INPP4B: variants seen among roughly 807,000 people sequenced by gnomAD.
The protein encoded by INPP4B is inositol polyphosphate 4-phosphatase type II.
Under a neutral mutation model 122.5 loss-of-function variants are expected in INPP4B, and 55 were observed. The observed-to-expected ratio is 0.45, with a 90% CI of 0.36 to 0.56. The LOEUF is 0.56. Among genes scored for constraint, INPP4B ranks in the 20% least tolerant of loss-of-function variants. The pLI is 0.00. For missense variants in INPP4B, 1,000 were observed against 1,097.7 expected, an observed-to-expected ratio of 0.91 and a Z score of 1.26; for synonymous variants, 403 against 388.7, an observed-to-expected ratio of 1.04 and a Z score of -0.43.
chr4:142,163,907 A>G (rs892356350), intron 16 of INPP4B, among the ~76,000 whole-genome samples: 1 of 151,900 alleles, frequency 6.6e-6, no homozygotes, highest in Non-Finnish European at 1.5e-5. Flanking sequence ...ACATTAAATG[A>G]AAAAAGAAAG....
chr4:142,590,727 G>GTA (rs1211350948), intron 2 of INPP4B, among the ~76,000 whole-genome samples: 12 of 151,450 alleles, frequency 7.9e-5, no homozygotes, highest in Non-Finnish European at 1.8e-4. Flanking sequence ...TCATAAATGT[G>GTA]TATATATATA....
chr4:142,666,643 G>A (rs1756138863), intron 2 of INPP4B, among the ~76,000 whole-genome samples: 1 of 152,018 alleles, frequency 6.6e-6, no homozygotes, highest in Non-Finnish European at 1.5e-5. Context: ...CCTTCTCTGT[G>A]TGTGTGTGTG....
At chr4:142,695,325 G>C (rs1760876100) in intron 2 of INPP4B, among the ~76,000 whole-genome samples, 1 of 152,110 alleles carries the variant, frequency 6.6e-6, no homozygotes, top group Non-Finnish European at 1.5e-5. Flanking sequence ...TTAAAGCAAA[G>C]ATTCTGTTAG....
At chr4:142,729,671 A>C (rs1765810580) in intron 1 of INPP4B, among the ~76,000 whole-genome samples, 1 of 152,078 alleles carries the variant, frequency 6.6e-6, no homozygotes, top group Admixed American at 6.6e-5. Flanking sequence ...ACCTCCAATC[A>C]CTGGAGACCT....
intron 23 of INPP4B, among the ~76,000 whole-genome samples, chr4:142,089,661 A>AT (rs11377597): frequency 0.89 from 135,745 of 152,080 alleles, 62,159 homozygotes; most frequent in Non-Finnish European, 0.99. Context: ...CTTACTTTAC[A>AT]AACATCTCAC....
chr4:142,036,936 G>C (rs1263678665), intron 25 of INPP4B, among the ~76,000 whole-genome samples: 1 of 152,190 alleles, frequency 6.6e-6, no homozygotes, highest in African/African-American at 2.4e-5. Flanking sequence ...GAATCTGTAA[G>C]TGCCCTGCAA....
chr4:142,172,026 G>A (rs1042770631), intron 16 of INPP4B, among the ~76,000 whole-genome samples: 3 of 151,728 alleles, frequency 2.0e-5, no homozygotes, highest in South Asian at 2.1e-4. Flanking sequence ...GAAATGAACC[G>A]AAATGAAATT....
chr4:142,568,354 C>T (rs962092811), intron 2 of INPP4B, among the ~76,000 whole-genome samples: 4 of 152,022 alleles, frequency 2.6e-5, no homozygotes, highest in African/African-American at 7.2e-5. Flanking sequence ...CACAGAACTA[C>T]CTGAAGGCTT....
chr4:142,318,799 A>G (rs1768857777), intron 7 of INPP4B, among the ~76,000 whole-genome samples: 1 of 152,224 alleles, frequency 6.6e-6, no homozygotes, highest in Non-Finnish European at 1.5e-5. Flanking sequence ...AAACAAAACC[A>G]GGTAGCATAC....
chr4:142,430,305 T>A (rs1207438647), intron 4 of INPP4B, among the ~76,000 whole-genome samples: 1 of 152,070 alleles, frequency 6.6e-6, no homozygotes, highest in Non-Finnish European at 1.5e-5. Context: ...ATTAGGTAGG[T>A]TTTTGTGAAC....
intron 5 of INPP4B, among the ~76,000 whole-genome samples, chr4:142,419,769 A>C (rs1806477074): frequency 6.6e-6 from 1 of 152,144 alleles, no homozygotes; most frequent in Non-Finnish European, 1.5e-5. Context: ...CGTGGTCCCC[A>C]AGTGACTTAA....
chr4:142,837,309 T>C (rs1782920773), intron 1 of INPP4B, among the ~76,000 whole-genome samples: 1 of 152,068 alleles, frequency 6.6e-6, no homozygotes, highest in Non-Finnish European at 1.5e-5. Context: ...TAGAAGAATA[T>C]AGTACTTTTT....
At chr4:142,331,758 A>C (rs1399777840) in intron 7 of INPP4B, among the ~76,000 whole-genome samples, 2 of 152,212 alleles carry the variant, frequency 1.3e-5, no homozygotes, top group African/African-American at 4.8e-5. Flanking sequence ...TTTGTGCTCC[A>C]GGGTCAGTTT....
At chr4:142,593,665 A>G (rs149286610) in intron 2 of INPP4B, among the ~76,000 whole-genome samples, 2,150 of 152,288 alleles carry the variant, frequency 0.014, 41 homozygotes, top group African/African-American at 0.041. Flanking sequence ...CCTAGAATAC[A>G]GCATGCTTTC....
At chr4:142,349,826 A>G (rs1367439680) in intron 7 of INPP4B, among the ~76,000 whole-genome samples, 1 of 151,934 alleles carries the variant, frequency 6.6e-6, no homozygotes, top group Non-Finnish European at 1.5e-5. Context: ...TTTAAAATAG[A>G]CAAAGCAAGA....
chr4:142,440,872 C>T (rs1322960261), intron 3 of INPP4B, among the ~76,000 whole-genome samples: 4 of 152,146 alleles, frequency 2.6e-5, no homozygotes, highest in Non-Finnish European at 5.9e-5. Flanking sequence ...GCCCCTGTGG[C>T]AAGAGCAGCT....
chr4:142,618,485 C>G (rs1744167926), intron 2 of INPP4B, among the ~76,000 whole-genome samples: 1 of 151,978 alleles, frequency 6.6e-6, no homozygotes, highest in Admixed American at 6.6e-5. Context: ...AAAGGGAAGG[C>G]AAATTGTCTC....
intron 1 of INPP4B, among the ~76,000 whole-genome samples, chr4:142,825,644 C>T (rs370539711): frequency 6.6e-6 from 1 of 152,152 alleles, no homozygotes; most frequent in East Asian, 1.9e-4. Context: ...TTGTGCATAG[C>T]ACCTAGAGAT....
intron 25 of INPP4B, among the ~76,000 whole-genome samples, chr4:142,036,802 C>T (rs1178179414): frequency 4.6e-5 from 7 of 152,198 alleles, no homozygotes; most frequent in Non-Finnish European, 1.0e-4. Flanking sequence ...AGCAACATGG[C>T]CTAGGAGGCT....
Sources: allele counts gnomAD v4.1 joint callset (sites outside exome capture counted in the v4.1 genomes callset), GRCh38; gene constraint gnomAD v4.1.1; transcripts MANE v1.5; gene names NCBI Gene and HGNC (gene_info 2026-07-23, HGNC 2026-07-21).